The following CD83 variants were observed in gnomAD, a reference collection of about 807,000 sequenced individuals.
CD83 encodes the protein CD83 molecule.
Under a neutral mutation model 24.6 loss-of-function variants are expected in CD83, and 22 were observed. That is an observed-to-expected ratio of 0.90 (90% CI 0.64 to 1.28). CD83 has a LOEUF of 1.28. Among genes scored for constraint, CD83 ranks in the 50% most tolerant of loss-of-function variants. CD83 has a pLI of 0.00. For synonymous variants in CD83, 101 were observed against 103.5 expected, an observed-to-expected ratio of 0.98 and a Z score of 0.14; for missense variants, 253 against 252.8, an observed-to-expected ratio of 1.00 and a Z score of -0.01.
intron 2 of CD83, among the ~76,000 whole-genome samples, chr6:14,127,450 A>G (rs1481846865): frequency 1.3e-5 from 2 of 152,218 alleles, no homozygotes; most frequent in African/African-American, 4.8e-5. Context: ...ACTTAAAAAA[A>G]AACACTTTCC....
chr6:14,117,683 T>G, upstream of CD83: 7 of 624,318 alleles, frequency 1.1e-5, no homozygotes, highest in Non-Finnish European at 1.2e-5. The surrounding 1 kb of genome is among the most constrained non-coding windows in gnomAD (Gnocchi z 4.6). Context: ...GCCACCCGCT[T>G]CCGCTGCCCG....
chr6:14,118,261 G>A (rs1283534553), intron 2 of CD83, among the ~76,000 whole-genome samples, 196 bp downstream of exon 2: 1 of 152,250 alleles, frequency 6.6e-6, no homozygotes, highest in Non-Finnish European at 1.5e-5. Flanking sequence ...GGCCGAATTA[G>A]GTTTTGCTCT....
intron 3 of CD83, among the ~76,000 whole-genome samples, chr6:14,131,961 G>A (rs1757921512): frequency 6.6e-6 from 1 of 152,114 alleles, no homozygotes; most frequent in African/African-American, 2.4e-5. Flanking sequence ...CACTTGTTAG[G>A]GGCTGAGGGT....
intron 2 of CD83, among the ~76,000 whole-genome samples, chr6:14,126,984 C>CTTTTATTT (rs1759832371): frequency 6.6e-6 from 1 of 151,400 alleles, no homozygotes; most frequent in Non-Finnish European, 1.5e-5. Context: ...CCCACCCCTG[C>CTTTTATTT]TTTTATTTTT....
intron 2 of CD83, among the ~76,000 whole-genome samples, chr6:14,118,477 G>A (rs1049990053): frequency 7.2e-5 from 11 of 152,184 alleles, no homozygotes; most frequent in Non-Finnish European, 1.3e-4. Flanking sequence ...GATTTCTTGT[G>A]TTTTGTGACT....
At chr6:14,133,017 A>G (rs1307587816) in intron 3 of CD83, among the ~76,000 whole-genome samples, 3 of 152,222 alleles carry the variant, frequency 2.0e-5, no homozygotes, top group Non-Finnish European at 4.4e-5. Context: ...GTGCTGCACC[A>G]AACCCTTTAA....
intron 2 of CD83, among the ~76,000 whole-genome samples, chr6:14,124,868 TAG>T (rs1202688763): frequency 6.6e-6 from 1 of 152,120 alleles, no homozygotes; most frequent in Non-Finnish European, 1.5e-5. Context: ...TATTTTGAAA[TAG>T]AGTCTTTGCA....
At chr6:14,126,258 T>C (rs1319516439) in intron 2 of CD83, among the ~76,000 whole-genome samples, 1 of 152,226 alleles carries the variant, frequency 6.6e-6, no homozygotes, top group Non-Finnish European at 1.5e-5. Flanking sequence ...AACTATTTAG[T>C]ATGCAGAATG....
chr6:14,118,187 A>G, intron 2 of CD83, 122 bp downstream of exon 2: 1 of 659,552 alleles, frequency 1.5e-6, no homozygotes, highest in Non-Finnish European at 2.5e-6. Flanking sequence ...CGTCTCCCGC[A>G]GCTGAACTTG....
chr6:14,132,887 T>C (rs1458154588), intron 3 of CD83, among the ~76,000 whole-genome samples: 3 of 152,242 alleles, frequency 2.0e-5, no homozygotes, highest in African/African-American at 7.2e-5. Context: ...AAGCACACTA[T>C]AGCCAAAGCT....
At chr6:14,126,188 C>G (rs902019446) in intron 2 of CD83, among the ~76,000 whole-genome samples, 28 of 152,176 alleles carry the variant, frequency 1.8e-4, no homozygotes, top group African/African-American at 6.5e-4. Context: ...CTTTCTCACT[C>G]TTTCTAAAAT....
upstream of CD83, chr6:14,117,678 C>T (rs1759561898): frequency 1.7e-6 from 1 of 586,600 alleles, no homozygotes; most frequent in East Asian, 3.5e-5. This position sits in a 1 kb window ranked among gnomAD's most constrained non-coding sequence, Gnocchi z 4.6. Context: ...GGCGCGCCAC[C>T]CGCTTCCGCT....
chr6:14,130,945 G>A (rs1757880647), intron 2 of CD83, among the ~76,000 whole-genome samples: 1 of 152,176 alleles, frequency 6.6e-6, no homozygotes, highest in South Asian at 2.1e-4. Flanking sequence ...AAAAGGTGTG[G>A]CACATTCGGC....
chr6:14,121,065 C>G lies in CD83; in HGVS notation c.153+3000C>G, dbSNP rs112288536. On this transcript the variant is annotated intron_variant, in intron 2 of 4. Coordinates refer to ENST00000379153, the MANE Select transcript of CD83 (RefSeq NM_004233.4). ...CTTAACTGGGATCCAACAAAGGGTC[C>G]TCTTCTCATCCCTTCCTCCCTTATA... Among the ~76,000 whole-genome samples, 547 of 152,346 alleles carry G rather than the reference C, an allele frequency of 3.6e-3. 3 individuals carry two copies. The highest frequency in any genetic ancestry group is 5.8e-3 in the Non-Finnish European group (393 of 68,026).
At chr6:14,128,290 A>G (rs1759868290) in intron 2 of CD83, among the ~76,000 whole-genome samples, 1 of 152,180 alleles carries the variant, frequency 6.6e-6, no homozygotes, top group African/African-American at 2.4e-5. Context: ...TGATAATGAT[A>G]TGAGCTTTTG....
chr6:14,131,404 G>A (rs1311578769), intron 2 of CD83, 116 bp from the exon 3 acceptor site: 21 of 726,476 alleles, frequency 2.9e-5, no homozygotes, highest in Non-Finnish European at 4.2e-5. Context: ...AAAGCATCAC[G>A]TCTTGTTTTA....
At chr6:14,121,307 C>T (rs1759663077) in intron 2 of CD83, among the ~76,000 whole-genome samples, 1 of 151,724 alleles carries the variant, frequency 6.6e-6, no homozygotes, top group Admixed American at 6.6e-5. Context: ...GTAGCTGAGA[C>T]TACAAGGGCG....
chr6:14,133,496 C>T (rs111226043), intron 3 of CD83, among the ~76,000 whole-genome samples, 153 bp from the exon 4 acceptor site: 135 of 152,356 alleles, frequency 8.9e-4, no homozygotes, highest in African/African-American at 3.0e-3. Context: ...CTGCTGCTGT[C>T]ACCTTCACTG....
rs550912186 is a variant in CD83, at chr6:14,129,131, T to C, written c.154-2389T>C. Among the ~76,000 whole-genome samples, 1 of 152,164 alleles carries C rather than the reference T, an allele frequency of 6.6e-6. No individual in the cohort carries two copies. Among genetic ancestry groups the C allele is most frequent in the South Asian group, 2.1e-4 (1 of 4,820 alleles). ...CCAGGAGAAAACCATGGGTGAATAA[T>C]CTCAAAACGGTTGTTGCAGCTACAC... is the stretch of plus-strand genomic sequence containing the variant. On this transcript the variant is annotated intron_variant, in intron 2 of 4. Transcript: ENST00000379153. The surrounding 1 kb of genome is among the most constrained non-coding windows in gnomAD (Gnocchi z 4.3).
Sources: allele counts gnomAD v4.1 joint callset (sites outside exome capture counted in the v4.1 genomes callset), GRCh38; gene constraint gnomAD v4.1.1; non-coding constraint Gnocchi (gnomAD v3.1); transcripts MANE v1.5; gene names NCBI Gene and HGNC (gene_info 2026-07-23, HGNC 2026-07-21).